Variants in TPO observed in about 807,000 individuals in gnomAD.
TPO encodes thyroid microsomal antigen.
TPO carries 78 observed loss-of-function variants against 96.9 expected under a neutral mutation model. That is an observed-to-expected ratio of 0.81 (90% CI 0.67 to 0.97). The LOEUF (loss-of-function observed/expected upper bound fraction) is 0.97, where lower values mean the gene tolerates loss of function less well. Among genes scored for constraint, TPO ranks in the 50% least tolerant of loss-of-function variants. The pLI is 0.00. For missense variants in TPO, 1,252 were observed against 1,274.8 expected (o/e 0.98, Z 0.27); for synonymous variants, 547 against 538.0 (o/e 1.02, Z -0.23).
rs1010391394 is a variant in TPO, at chr2:1,515,789, A to G, written c.2519-1094A>G. 2.0e-5 allele frequency among the ~76,000 whole-genome samples: 3 copies of G among 152,022 alleles called. 1 individual carries two copies. Among genetic ancestry groups the G allele is most frequent in the Non-Finnish European group, 2.9e-5 (2 of 68,026 alleles). ...AGAAATAGAACCAAACCAAGCACCCATTCCCCCAGCCGCTGCCTCTGTCTG... is the reference window on the plus strand; with the variant it reads ...AGAAATAGAACCAAACCAAGCACCCGTTCCCCCAGCCGCTGCCTCTGTCTG... On this transcript the variant is annotated intron_variant, in intron 14 of 16. Transcript: ENST00000329066.
At chr2:1,392,639 T>C (rs900315043) in intron 1 of TPO, among the ~76,000 whole-genome samples, 8 of 152,204 alleles carry the variant, frequency 5.3e-5, no homozygotes, top group Admixed American at 6.5e-5. Context: ...GGTCCTGGAC[T>C]GGTTGGTAGG....
At chr2:1,384,100 T>A (rs974521109) in intron 1 of TPO, among the ~76,000 whole-genome samples, 2 of 152,246 alleles carry the variant, frequency 1.3e-5, no homozygotes, top group Admixed American at 6.5e-5. Context: ...ACCAGTACCA[T>A]GCTGTTTTGG....
At chr2:1,470,816 A>G (rs896168941) in intron 7 of TPO, among the ~76,000 whole-genome samples, 1 of 152,120 alleles carries the variant, frequency 6.6e-6, no homozygotes, top group Non-Finnish European at 1.5e-5. Context: ...AATTTTAATG[A>G]GGCTTGTGGG....
exon 1 of TPO, chr2:1,374,377 GCGGCCCA>G (rs1661685523): frequency 6.6e-6 from 1 of 152,278 alleles, no homozygotes; most frequent in African/African-American, 2.4e-5. Context: ...CAGCACCTTG[GCGGCCCA>G]CTACCCACCG....
chr2:1,537,526 CG>C (rs1680075978), intron 15 of TPO, among the ~76,000 whole-genome samples: 1 of 75,666 alleles, frequency 1.3e-5, no homozygotes, highest in African/African-American at 5.8e-5. Flanking sequence ...GTGCAACCTC[CG>C]CCTATCCCCC....
intron 15 of TPO, among the ~76,000 whole-genome samples, chr2:1,525,488 A>G (rs1250053587): frequency 5.7e-5 from 2 of 35,206 alleles, no homozygotes; most frequent in Non-Finnish European, 1.0e-4. Flanking sequence ...CTGTGAGCAA[A>G]CCCCCAAAAC....
At chr2:1,406,881 A>G (rs1662257149) in intron 1 of TPO, among the ~76,000 whole-genome samples, 1 of 152,230 alleles carries the variant, frequency 6.6e-6, no homozygotes, top group Admixed American at 6.5e-5. Context: ...GGACCAGATC[A>G]TTATTTGAAA....
chr2:1,542,289 A>G (rs776479200), intron 16 of TPO, 132 bp from the exon 17 acceptor site: 27 of 1,232,154 alleles, frequency 2.2e-5, no homozygotes, highest in Non-Finnish European at 2.9e-5. Flanking sequence ...AGCAAGAAGG[A>G]TGGCTCATCT....
intron 5 of TPO, among the ~76,000 whole-genome samples, chr2:1,445,350 CTGTGTTGGAAGGGAATGAG>C: frequency 1.3e-5 from 1 of 78,664 alleles, no homozygotes; most frequent in African/African-American, 5.1e-5. Flanking sequence ...GCAGGAGGCA[CTGTGTTGGAAGGGAATGAG>C]CAGGCTCCTT....
chr2:1,509,674 C>A (rs1673870307), intron 14 of TPO, among the ~76,000 whole-genome samples: 2 of 142,774 alleles, frequency 1.4e-5, no homozygotes, highest in Admixed American at 1.4e-4. Context: ...TTGTTTAGGG[C>A]AAACCACACT....
chr2:1,383,481 G>A (rs1368240078), intron 1 of TPO, among the ~76,000 whole-genome samples: 1 of 152,200 alleles, frequency 6.6e-6, no homozygotes, highest in Admixed American at 6.6e-5. Flanking sequence ...GGCCAGTGAT[G>A]ATGAGCAGTT....
At chr2:1,384,992 C>CTGTT (rs1183005360) in intron 1 of TPO, among the ~76,000 whole-genome samples, 1 of 152,190 alleles carries the variant, frequency 6.6e-6, no homozygotes, top group Non-Finnish European at 1.5e-5. Flanking sequence ...GTCTTTGGTT[C>CTGTT]TGTTTATATG....
At chr2:1,474,359 CCTAT>C (rs1418223005) in intron 7 of TPO, among the ~76,000 whole-genome samples, 1 of 152,078 alleles carries the variant, frequency 6.6e-6, no homozygotes, top group African/African-American at 2.4e-5. Context: ...GATTTGCTGC[CCTAT>C]CTTTTATTAT....
intron 1 of TPO, among the ~76,000 whole-genome samples, chr2:1,394,795 A>C (rs1015427490): frequency 1.3e-5 from 2 of 152,108 alleles, no homozygotes; most frequent in African/African-American, 2.4e-5. Context: ...TTTAATTTGC[A>C]CTGAGCCCTT....
At chr2:1,497,252 C>T (rs28912972) in intron 13 of TPO, among the ~76,000 whole-genome samples, 7,005 of 152,200 alleles carry the variant, frequency 0.046, 560 homozygotes, top group African/African-American at 0.16. Flanking sequence ...GGCTTCCTGG[C>T]GGTAATTTGA....
At position 1,456,175 on chromosome 2, in the gene TPO, G is replaced by T. The variant is rs753687508; in HGVS notation, c.712G>T (p.Asp238Tyr). ...DLLMAWGQYI[D>Y]HDIAFTPQST... The stretch of plus-strand genomic sequence containing the variant: ...CCTGATGGCATGGGGACAATACATC[G>T]ACCACGACATCGCGTTCACACCACA... Residue 238 changes from aspartate (D) to tyrosine (Y), a missense_variant, in exon 7 of 17, where the codon GAC becomes TAC. Asp to Tyr is a radical substitution (Grantham distance 160). Coordinates refer to ENST00000329066, the MANE Select transcript of TPO (RefSeq NM_001206744.2). 6.2e-7 allele frequency: 1 copy of T among 1,613,926 alleles called. No homozygotes were observed. The highest frequency in any genetic ancestry group is 1.3e-5 in the African/African-American group (1 of 74,906).
At position 1,496,671 on chromosome 2, in the gene TPO, G is replaced by T; in HGVS notation, c.2292G>T (p.Leu764=). ...VHCEESGRRV[L]VYSCRHGYEL... is the part of the protein sequence containing the mutation. ...GTGAGGAGTCTGGGAGGCGCGTGCT[G>T]GTGTATTCCTGCCGGCACGGGTATG... The change falls in exon 13 of 17, where the codon CTG becomes CTT. Residue 764 remains leucine (L), a synonymous_variant. Coordinates refer to ENST00000329066, the MANE Select transcript of TPO (RefSeq NM_001206744.2). The T allele has an allele frequency of 6.2e-7, 1 of 1,614,086 alleles. No homozygotes were observed. Among genetic ancestry groups the T allele is most frequent in the Admixed American group, 1.7e-5 (1 of 60,024 alleles).
intron 14 of TPO, among the ~76,000 whole-genome samples, chr2:1,515,112 T>G (rs1370967763): frequency 6.6e-6 from 1 of 152,216 alleles, no homozygotes; most frequent in African/African-American, 2.4e-5. Context: ...CTGTCCTGAC[T>G]GCCCTGACCT....
chr2:1,409,025 A>G (rs1212850421), upstream of TPO, among the ~76,000 whole-genome samples: 1 of 152,170 alleles, frequency 6.6e-6, no homozygotes, highest in Non-Finnish European at 1.5e-5. Context: ...AGCTTGTAGA[A>G]ACGCAAAGCA....
Sources: gnomAD v4.1 joint callset for allele counts (sites outside exome capture counted in the v4.1 genomes callset) on GRCh38, gnomAD v4.1.1 for gene constraint, MANE v1.5 for transcripts, NCBI Gene and HGNC (gene_info 2026-07-23, HGNC 2026-07-21) for gene names.